Variants in NKAIN2 observed in about 807,000 individuals in gnomAD.
NKAIN2 encodes sodium/potassium-transporting ATPase subunit beta-1-interacting protein 2.
A neutral mutation model predicts 32.6 loss-of-function variants in NKAIN2; 14 were observed. The observed-to-expected ratio is 0.43, with a 90% CI of 0.28 to 0.67. The LOEUF (loss-of-function observed/expected upper bound fraction) is 0.67, where lower values mean the gene tolerates loss of function less well. Ranked by LOEUF, NKAIN2 falls within the 30% of genes least tolerant of loss-of-function variation. The probability of loss-of-function intolerance (pLI) is 0.17; values close to 1 mark genes in which losing one functional copy is unlikely to be tolerated. For missense variants in NKAIN2, 198 were observed against 258.3 expected, an observed-to-expected ratio of 0.77 and a Z score of 1.60; for synonymous variants, 80 against 87.2, an observed-to-expected ratio of 0.92 and a Z score of 0.46.
chr6:124,224,212 C>T (rs1363660851), intron 1 of NKAIN2, among the ~76,000 whole-genome samples: 1 of 152,052 alleles, frequency 6.6e-6, no homozygotes, highest in African/African-American at 2.4e-5. Flanking sequence ...TATGCGTGCA[C>T]ATACACACAT....
At chr6:124,138,353 G>A (rs1328239060) in intron 1 of NKAIN2, among the ~76,000 whole-genome samples, 1 of 152,142 alleles carries the variant, frequency 6.6e-6, no homozygotes, top group Non-Finnish European at 1.5e-5. Flanking sequence ...TGGCATGGAT[G>A]TGGTGAAAAG....
intron 1 of NKAIN2, among the ~76,000 whole-genome samples, chr6:124,151,099 A>C (rs1787694236): frequency 6.6e-6 from 1 of 151,902 alleles, no homozygotes; most frequent in Non-Finnish European, 1.5e-5. Flanking sequence ...CTCTGATGGG[A>C]TCTTCATATC....
At chr6:124,058,468 T>A (rs1782772189) in intron 1 of NKAIN2, among the ~76,000 whole-genome samples, 1 of 152,092 alleles carries the variant, frequency 6.6e-6, no homozygotes, top group Non-Finnish European at 1.5e-5. Context: ...CCTGACACTC[T>A]TAAGCTTCTT....
intron 3 of NKAIN2, among the ~76,000 whole-genome samples, chr6:124,470,844 T>C (rs141600530): frequency 6.6e-5 from 10 of 152,342 alleles, no homozygotes; most frequent in Admixed American, 3.3e-4. Flanking sequence ...TTAAACTTAC[T>C]CTTTTAGCTT....
At chr6:124,343,931 C>T (rs1361929816) in intron 2 of NKAIN2, among the ~76,000 whole-genome samples, 2 of 144,828 alleles carry the variant, frequency 1.4e-5, no homozygotes, top group African/African-American at 2.5e-5. Context: ...AATGGTATTG[C>T]CTAGGTTTTC....
At chr6:124,753,077 C>A (rs1372486933) in intron 4 of NKAIN2, among the ~76,000 whole-genome samples, 1 of 152,060 alleles carries the variant, frequency 6.6e-6, no homozygotes, top group Non-Finnish European at 1.5e-5. Context: ...CACACTTTAT[C>A]AGTGTGAAAT....
intron 1 of NKAIN2, among the ~76,000 whole-genome samples, chr6:124,167,902 GCTCCTGAAA>G (rs1214243608): frequency 2.0e-5 from 3 of 152,076 alleles, no homozygotes; most frequent in Non-Finnish European, 4.4e-5. Flanking sequence ...CTTGAATTGA[GCTCCTGAAA>G]CTTTGCAATG....
intron 3 of NKAIN2, among the ~76,000 whole-genome samples, chr6:124,613,567 C>G (rs769016248): frequency 2.0e-5 from 3 of 152,120 alleles, no homozygotes; most frequent in Non-Finnish European, 4.4e-5. Flanking sequence ...GCCCTAGTCT[C>G]ATATGCCATT....
In NKAIN2 at chr6:124,505,069, C is replaced by G. The variant is rs186867907; in HGVS notation, c.273+149722C>G. On this transcript the variant is annotated intron_variant, in intron 3 of 6. Transcript: ENST00000368417. ...AATGAAAAGAAAGGCTTTATAAATC[C>G]ATCCCTAAACCCTATCATTACATAT... Among the ~76,000 whole-genome samples the G allele has an allele frequency of 4.9e-3, 744 of 152,260 alleles. 3 individuals are homozygous for G. Among genetic ancestry groups the G allele is most frequent in the Non-Finnish European group, 8.4e-3 (569 of 68,014 alleles).
intron 3 of NKAIN2, among the ~76,000 whole-genome samples, chr6:124,552,086 G>A (rs1323984304): frequency 6.6e-6 from 1 of 152,150 alleles, no homozygotes; most frequent in Non-Finnish European, 1.5e-5. Flanking sequence ...TGACCTAAAA[G>A]CACTGATAAC....
At chr6:124,579,596 A>G (rs1161561253) in intron 3 of NKAIN2, among the ~76,000 whole-genome samples, 1 of 152,130 alleles carries the variant, frequency 6.6e-6, no homozygotes, top group African/African-American at 2.4e-5. Flanking sequence ...AAATATCCTC[A>G]AAAGTGCAAA....
chr6:124,197,025 T>A (rs1353273253), intron 1 of NKAIN2, among the ~76,000 whole-genome samples: 1 of 151,720 alleles, frequency 6.6e-6, no homozygotes, highest in Non-Finnish European at 1.5e-5. Context: ...AAATGTTTAC[T>A]AAATCTGGAA....
At chr6:124,735,546 G>A (rs533654168) in intron 4 of NKAIN2, among the ~76,000 whole-genome samples, 1 of 151,916 alleles carries the variant, frequency 6.6e-6, no homozygotes, top group African/African-American at 2.4e-5. Context: ...TACTCTATTG[G>A]GCTTTACGGT....
intron 1 of NKAIN2, among the ~76,000 whole-genome samples, chr6:124,168,099 A>G (rs1788662493): frequency 6.6e-6 from 1 of 152,202 alleles, no homozygotes; most frequent in Admixed American, 6.5e-5. Flanking sequence ...GCAAAATCAA[A>G]TTAGTATCTG....
At chr6:124,603,393 C>T (rs1156386397) in intron 3 of NKAIN2, among the ~76,000 whole-genome samples, 1 of 151,848 alleles carries the variant, frequency 6.6e-6, no homozygotes, top group South Asian at 2.1e-4. Context: ...TAAATTCCTG[C>T]ATTTCTATTT....
chr6:124,163,953 C>T (rs545581902), intron 1 of NKAIN2, among the ~76,000 whole-genome samples: 1 of 151,830 alleles, frequency 6.6e-6, no homozygotes, highest in Non-Finnish European at 1.5e-5. Flanking sequence ...TATAGACAAC[C>T]CTGAAGTCAT....
At position 124,163,003 on chromosome 6, in the gene NKAIN2, T is replaced by C. The variant is rs1288125715; in HGVS notation, c.55-120002T>C. Reference sequence around the variant, plus strand: ...AGTTTATAATGTTCTTATTTTCTGATTCTACCCTTATTACACAATTGCTTC... The same window carrying C: ...AGTTTATAATGTTCTTATTTTCTGACTCTACCCTTATTACACAATTGCTTC... On this transcript the variant is annotated intron_variant, in intron 1 of 6. Coordinates refer to ENST00000368417, the MANE Select transcript of NKAIN2 (RefSeq NM_001040214.3). 2.0e-5 allele frequency among the ~76,000 whole-genome samples: 3 copies of C among 152,092 alleles called. 1 individual carries two copies. Among genetic ancestry groups the C allele is most frequent in the Non-Finnish European group, 2.9e-5 (2 of 68,004 alleles).
At chr6:124,548,215 C>T (rs1056474008) in intron 3 of NKAIN2, among the ~76,000 whole-genome samples, 8 of 152,102 alleles carry the variant, frequency 5.3e-5, no homozygotes, top group African/African-American at 7.2e-5. Context: ...TAAATAATCT[C>T]ATCCTTGAAA....
chr6:124,776,226 C>G (rs1305782682), intron 4 of NKAIN2, among the ~76,000 whole-genome samples: 1 of 152,122 alleles, frequency 6.6e-6, no homozygotes, highest in Non-Finnish European at 1.5e-5. Flanking sequence ...TTTTGCATAA[C>G]TATGGACTTT....
Sources: allele counts gnomAD v4.1 joint callset (sites outside exome capture counted in the v4.1 genomes callset), GRCh38; gene constraint gnomAD v4.1.1; transcripts MANE v1.5; gene names NCBI Gene and HGNC (gene_info 2026-07-23, HGNC 2026-07-21).